DGKE: variants seen among roughly 807,000 people sequenced by gnomAD.
DGKE encodes the protein DAG kinase epsilon.
A neutral mutation model predicts 70.0 loss-of-function variants in DGKE; 53 were observed. That is an observed-to-expected ratio of 0.76 (90% CI 0.61 to 0.95). The LOEUF (loss-of-function observed/expected upper bound fraction) is 0.95, where lower values mean the gene tolerates loss of function less well. Ranked by LOEUF, DGKE falls within the 40% of genes least tolerant of loss-of-function variation. The pLI is 0.00. For synonymous variants in DGKE, 291 were observed against 257.0 expected (o/e 1.13, Z -1.27); for missense variants, 655 against 706.9 (o/e 0.93, Z 0.83).
At chr17:56,857,808 C>A (rs563323220) in intron 8 of DGKE, among the ~76,000 whole-genome samples, 1 of 152,210 alleles carries the variant, frequency 6.6e-6, no homozygotes, top group Non-Finnish European at 1.5e-5. Context: ...CGCATGGTGG[C>A]TCACGCCTGT....
chr17:56,837,361 T>G (rs1238838102), intron 2 of DGKE, among the ~76,000 whole-genome samples: 1 of 152,216 alleles, frequency 6.6e-6, no homozygotes, highest in Non-Finnish European at 1.5e-5. Context: ...TTTAAAAACA[T>G]GCACCTCCGT....
intron 11 of DGKE, 136 bp downstream of exon 11, chr17:56,862,387 C>A: frequency 2.2e-6 from 2 of 919,640 alleles, no homozygotes; most frequent in South Asian, 1.8e-5. Flanking sequence ...ACACTAGCGG[C>A]TAGAGTGGGA....
At chr17:56,856,487 T>A (rs1427240795) in intron 7 of DGKE, 25 bp from the exon 8 acceptor site, 2 of 1,602,894 alleles carry the variant, frequency 1.2e-6, no homozygotes, top group Non-Finnish European at 8.5e-7. Context: ...CATAGTCTGT[T>A]GCTTATTCTT....
intron 7 of DGKE, among the ~76,000 whole-genome samples, chr17:56,852,647 G>A (rs998906126): frequency 5.3e-5 from 8 of 152,004 alleles, no homozygotes; most frequent in African/African-American, 1.9e-4. Context: ...AGAAAGTATT[G>A]AGAGATCCTT....
chr17:56,858,475 A>G, intron 8 of DGKE, 119 bp from the exon 9 acceptor site: 1 of 817,122 alleles, frequency 1.2e-6, no homozygotes. Context: ...CATCTAGTCT[A>G]CCATAAGGAG....
intron 2 of DGKE, 100 bp from the exon 3 acceptor site, chr17:56,843,919 T>C: frequency 8.3e-7 from 1 of 1,198,166 alleles, no homozygotes; most frequent in Middle Eastern, 2.3e-4. Flanking sequence ...TAAGTAGTGA[T>C]AAAATTATGT....
rs1598043088 is a variant in DGKE, at chr17:56,856,451, A to G, written c.1099-61A>G. 9 of 1,510,048 alleles carry G rather than the reference A, an allele frequency of 6.0e-6. No homozygotes were observed. In the East Asian group the frequency reaches 2.1e-4, roughly 35 times the overall value. The allele number at this position is 1,510,048 out of a possible 1,614,324, so 93.5% of individuals were successfully genotyped here. On this transcript the variant is annotated intron_variant, in intron 7 of 11. Transcript: ENST00000284061. Reference sequence around the variant, plus strand: ...AACACAAAGACTAAGATTGACATTTAATTATGACTCAAGCTTAGGTGGAAC... The same window carrying G: ...AACACAAAGACTAAGATTGACATTTGATTATGACTCAAGCTTAGGTGGAAC...
intron 2 of DGKE, among the ~76,000 whole-genome samples, chr17:56,838,324 TGAAA>T: frequency 6.6e-6 from 1 of 152,324 alleles, no homozygotes; most frequent in East Asian, 1.9e-4. Flanking sequence ...TCTGAAACAG[TGAAA>T]GATACCAAAT....
intron 7 of DGKE, among the ~76,000 whole-genome samples, chr17:56,850,128 T>TTTTTC (rs1476077899): frequency 6.6e-6 from 1 of 151,946 alleles, no homozygotes; most frequent in African/African-American, 2.4e-5. Flanking sequence ...TCTTTTTTTT[T>TTTTTC]TTTTCTTTTG....
rs143102945 is a variant in DGKE at position 56,855,618 on chromosome 17, C to CT, written c.1099-891dup. 2.3e-4 allele frequency among the ~76,000 whole-genome samples: 35 copies of CT among 152,268 alleles called. No individual in the cohort carries two copies. In the East Asian group the frequency reaches 3.9e-3, roughly 17 times the overall value. On this transcript the variant is annotated intron_variant, in intron 7 of 11. Transcript: ENST00000284061. ...TGTGTCCAGCCATCCTTAGAAATAACTTTGTAACAGGATCATAATTATAAG... is the reference window on the plus strand; with the variant it reads ...TGTGTCCAGCCATCCTTAGAAATAACTTTTGTAACAGGATCATAATTATAAG...
rs758703206 is a variant in DGKE at position 56,862,754 on chromosome 17, G to C, written c.1667G>C (p.Ser556Thr). The change falls in exon 12 of 12, where the codon AGT becomes ACT. Residue 556 changes from serine (S) to threonine (T), a missense_variant. Ser to Thr is a moderately conservative substitution (Grantham distance 58, BLOSUM62 1). Coordinates refer to ENST00000284061, the MANE Select transcript of DGKE (RefSeq NM_003647.3). ...GAACAAACAGATGATGACATCTCTA[G>C]TACTTCGGATCAAGAAGATATAAAG... ...SGEQTDDDIS[S>T]TSDQEDIKAT... 2 of 1,594,952 alleles carry C rather than the reference G, an allele frequency of 1.3e-6. No homozygotes were observed. The highest frequency in any genetic ancestry group is 2.3e-5 in the South Asian group (2 of 87,086).
intron 2 of DGKE, chr17:56,835,801 G>T (rs541276882): frequency 2.6e-5 from 4 of 154,690 alleles, no homozygotes; most frequent in African/African-American, 9.6e-5. Context: ...TTGACGCTTG[G>T]TCTTTCAGGA....
In DGKE at chr17:56,834,919, C is replaced by T. The variant is rs746752889; in HGVS notation, c.124C>T (p.Leu42Phe). The T allele has an allele frequency of 8.7e-6, 14 of 1,613,518 alleles. No homozygotes were observed. The highest frequency in any genetic ancestry group is 6.7e-5 in the East Asian group (3 of 44,844). ...GGTGTTCATCACCTTCTGGTGTAGC[C>T]TCCAGCGGTCGCGCCGGCAGCTGCA... ...LPVFITFWCS[L>F]QRSRRQLHRR... is the part of the protein sequence containing the mutation. The change falls in exon 2 of 12, where the codon CTC (leucine) becomes TTC (phenylalanine). Residue 42 changes from leucine (L) to phenylalanine (F), a missense_variant. Coordinates refer to ENST00000284061, the MANE Select transcript of DGKE (RefSeq NM_003647.3).
Position 56,862,858 on chromosome 17 carries a change from A to T in DGKE, c.*67A>T. ...AGTAGATACATGTTCATCCAAAAGT[A>T]TTAATAGAAATTCTCTATCAGCTAT... On this transcript the variant is annotated 3_prime_UTR_variant, in exon 12 of 12. Coordinates refer to ENST00000284061, the MANE Select transcript of DGKE (RefSeq NM_003647.3). 7.7e-7 allele frequency: 1 copy of T among 1,302,104 alleles called. No homozygotes were observed. Among genetic ancestry groups the T allele is most frequent in the Non-Finnish European group, 1.0e-6 (1 of 1,002,376 alleles). The allele number at this position is 1,302,104 out of a possible 1,614,324, so 80.7% of individuals were successfully genotyped here.
Position 56,834,940 on chromosome 17 carries a change from C to G in DGKE, c.145C>G (p.Leu49Val). Residue 49 changes from leucine to valine, a missense_variant, in exon 2 of 12, where the codon CTG becomes GTG. Coordinates refer to ENST00000284061, the MANE Select transcript of DGKE (RefSeq NM_003647.3). The part of the protein sequence containing the change: ...WCSLQRSRRQ[L>V]HRRDIFRKSK... ...TAGCCTCCAGCGGTCGCGCCGGCAG[C>G]TGCACCGCAGGGACATCTTCCGCAA... 1 of 1,613,324 alleles carries G rather than the reference C, an allele frequency of 6.2e-7. No individual in the cohort carries two copies. The highest frequency in any genetic ancestry group is 8.5e-7 in the Non-Finnish European group (1 of 1,179,926).
chr17:56,840,958 A>G (rs1906943283), intron 2 of DGKE, among the ~76,000 whole-genome samples: 1 of 151,660 alleles, frequency 6.6e-6, no homozygotes, highest in South Asian at 2.1e-4. Context: ...ACTGTCTCTT[A>G]AAAAAAAATT....
At chr17:56,850,838 A>C (rs927714298) in intron 7 of DGKE, among the ~76,000 whole-genome samples, 1 of 152,220 alleles carries the variant, frequency 6.6e-6, no homozygotes, top group Non-Finnish European at 1.5e-5. Context: ...AGAACCAAGC[A>C]AAGGCTTAGG....
chr17:56,853,052 A>G (rs1374995105), intron 7 of DGKE, among the ~76,000 whole-genome samples: 1 of 152,204 alleles, frequency 6.6e-6, no homozygotes, highest in Non-Finnish European at 1.5e-5. Context: ...TCAGATGTTC[A>G]TATTAGGGAT....
intron 2 of DGKE, 74 bp downstream of exon 2, chr17:56,835,333 C>T (rs1906539395): frequency 7.0e-7 from 1 of 1,435,238 alleles, no homozygotes; most frequent in Admixed American, 2.2e-5. Context: ...GGTGTAGAGG[C>T]CTGCTTTAAT....
Sources: gnomAD v4.1 joint callset for allele counts (sites outside exome capture counted in the v4.1 genomes callset) on GRCh38, gnomAD v4.1.1 for gene constraint, MANE v1.5 for transcripts, NCBI Gene and HGNC (gene_info 2026-07-23, HGNC 2026-07-21) for gene names.